Variants in ATM observed in about 807,000 individuals in gnomAD.
ATM encodes serine-protein kinase ATM.
A neutral mutation model predicts 387.0 loss-of-function variants in ATM; 308 were observed. The ratio of observed to expected loss-of-function variants is 0.80; its 90% CI spans 0.73 to 0.87. The LOEUF (loss-of-function observed/expected upper bound fraction) is 0.87. Ranked by LOEUF, ATM falls within the 40% of genes least tolerant of loss-of-function variation. The pLI, the probability that ATM is intolerant of heterozygous loss-of-function variation, is 0.00. For missense variants in ATM, 3,312 were observed against 3,560.9 expected (o/e 0.93, Z 1.78); for synonymous variants, 1,156 against 1,187.3 (o/e 0.97, Z 0.54).
chr11:108,328,857 G>A (rs894215798), intron 48 of ATM, among the ~76,000 whole-genome samples, 164 bp from the exon 49 acceptor site: 4 of 152,152 alleles, frequency 2.6e-5, no homozygotes, highest in African/African-American at 7.2e-5. Context: ...GGCCACATGC[G>A]GCCCATGGGC....
At chr11:108,224,541 A>G (rs1025530749) in intron 1 of ATM, 1 of 152,188 alleles carries the variant, frequency 6.6e-6, no homozygotes, top group Non-Finnish European at 1.5e-5. Flanking sequence ...TTGACTACCT[A>G]ATAGTTCCTC....
chr11:108,335,345 C>A, intron 55 of ATM: 2 of 1,246,642 alleles, frequency 1.6e-6, no homozygotes, highest in South Asian at 2.8e-5. Context: ...ATACCATTAA[C>A]ATGTACAGAC....
At chr11:108,314,490 C>T (rs910827646) in intron 40 of ATM, among the ~76,000 whole-genome samples, 3 of 151,082 alleles carry the variant, frequency 2.0e-5, no homozygotes, top group Non-Finnish European at 4.4e-5. Flanking sequence ...CCTGGTAGGT[C>T]GGTACTTATT....
intron 22 of ATM, among the ~76,000 whole-genome samples, chr11:108,277,310 G>A (rs552861619): frequency 6.6e-6 from 1 of 152,320 alleles, no homozygotes; most frequent in Admixed American, 6.5e-5. Flanking sequence ...TCTCCATGGG[G>A]GTGGGATCCG....
chr11:108,365,463 C>CA lies in ATM; in HGVS notation c.9131dup (p.Asn3044LysfsTer19), dbSNP rs1591388094. 6.2e-7 allele frequency: 1 copy of CA among 1,614,124 alleles called. No individual in the cohort carries two copies. The highest frequency in any genetic ancestry group is 8.5e-7 in the Non-Finnish European group (1 of 1,180,024). ...TGCTCATACAGCAGGCCATAGACCC[C>CA]AAAAATCTCAGCCGACTTTTCCCAG... On this transcript the variant is annotated frameshift_variant, in exon 63 of 63. Coordinates refer to ENST00000675843, the MANE Select transcript of ATM (RefSeq NM_000051.4). LOFTEE classifies it high-confidence loss of function.
Position 108,257,569 on chromosome 11 carries a change from T to C in ATM, c.2339T>C (p.Met780Thr). ...AGAATTGGTTCCTTGAGAAATATGATGCAGCTATGTACACGTTGCTTGAGC... is the reference window on the plus strand; with the variant it reads ...AGAATTGGTTCCTTGAGAAATATGACGCAGCTATGTACACGTTGCTTGAGC... ...EFRIGSLRNM[M>T]QLCTRCLSNC... The change falls in exon 15 of 63, where the codon ATG becomes ACG. Residue 780 changes from methionine (M) to threonine (T), a missense_variant. Transcript: ENST00000675843. 1 of 1,614,046 alleles carries C rather than the reference T, an allele frequency of 6.2e-7. No homozygotes were observed. Among genetic ancestry groups the C allele is most frequent in the Admixed American group, 1.7e-5 (1 of 60,026 alleles).
chr11:108,254,051 T>C lies in ATM; in HGVS notation c.2124+12T>C, dbSNP rs61278354. Reference sequence around the variant, plus strand: ...ATTACTCATCTGAGGTGAGATTTTTTAAAAAAAGAACTAAGCTTATATATG... The same window carrying C: ...ATTACTCATCTGAGGTGAGATTTTTCAAAAAAAGAACTAAGCTTATATATG... On this transcript the variant is annotated intron_variant, in intron 13 of 62. Coordinates refer to ENST00000675843, the MANE Select transcript of ATM (RefSeq NM_000051.4). 6.2e-7 allele frequency: 1 copy of C among 1,610,606 alleles called. No individual in the cohort carries two copies. Among genetic ancestry groups the C allele is most frequent in the East Asian group, 2.2e-5 (1 of 44,830 alleles).
intron 16 of ATM, among the ~76,000 whole-genome samples, chr11:108,265,596 C>T (rs2081184088): frequency 1.3e-5 from 2 of 150,198 alleles, no homozygotes; most frequent in Non-Finnish European, 3.0e-5. Flanking sequence ...GTCTAAAACA[C>T]CAAAAGCAAT....
At chr11:108,241,218 G>C (rs2079538637) in intron 5 of ATM, among the ~76,000 whole-genome samples, 1 of 152,100 alleles carries the variant, frequency 6.6e-6, no homozygotes, top group Non-Finnish European at 1.5e-5. Flanking sequence ...TATGATAATG[G>C]TGCTTTATTC....
At chr11:108,298,596 G>A (rs4988024) in intron 33 of ATM, among the ~76,000 whole-genome samples, 2,071 of 152,276 alleles carry the variant, frequency 0.014, 56 homozygotes, top group African/African-American at 0.046. Flanking sequence ...AATTAATGTG[G>A]TTTGTTCTCA....
intron 14 of ATM, among the ~76,000 whole-genome samples, chr11:108,257,044 T>C (rs975318645): frequency 6.6e-6 from 1 of 152,228 alleles, no homozygotes; most frequent in African/African-American, 2.4e-5. Context: ...GTAATGGGAT[T>C]GCTGGGTCAA....
At chr11:108,244,171 A>G (rs1838437800) in intron 6 of ATM, 53 bp downstream of exon 6, 8 of 1,598,342 alleles carry the variant, frequency 5.0e-6, no homozygotes, top group Non-Finnish European at 6.0e-6. Context: ...TTGATCTTGC[A>G]AGACCATGTT....
chr11:108,335,915 GAA>G lies in ATM; in HGVS notation c.8224_8225del (p.Asn2742HisfsTer4), dbSNP rs1162534390. 1 of 1,614,012 alleles carries G rather than the reference GAA, an allele frequency of 6.2e-7. No individual in the cohort carries two copies. The highest frequency in any genetic ancestry group is 2.2e-5 in the East Asian group (1 of 44,870). The stretch of plus-strand genomic sequence containing the variant: ...CAGATGTGTAATACATTACTGCAGA[GAA>G]ACACGGAAACTAGGAAGAGGAAATT... On this transcript the variant is annotated frameshift_variant, in exon 56 of 63. Coordinates refer to ENST00000675843, the MANE Select transcript of ATM (RefSeq NM_000051.4). LOFTEE classifies it high-confidence loss of function.
At position 108,327,680 on chromosome 11, in the gene ATM, T is replaced by C. The variant is rs878853536; in HGVS notation, c.7011T>C (p.Cys2337=). 6.2e-7 allele frequency: 1 copy of C among 1,614,018 alleles called. No individual in the cohort carries two copies. Residue 2337 remains cysteine (C), a synonymous_variant, in exon 48 of 63, where the codon TGT becomes TGC. Transcript: ENST00000675843. ...NPSLKLTYTE[C]LRVCGNWLAE... ...GCCTAAAACTTACATACACAGAATG[T>C]CTGAGGGTTTGTGGCAACTGGTTAG...
rs2136317661 is a variant in ATM at position 108,325,512 on chromosome 11, T to A, written c.6775T>A (p.Ser2259Thr). Reference sequence around the variant, plus strand: ...TCTCACCAAACACCTTGTAGAACTCTCTATACTGGCCAGAACTTTCAAGAA... The same window carrying A: ...TCTCACCAAACACCTTGTAGAACTCACTATACTGGCCAGAACTTTCAAGAA... ...DILTKHLVEL[S>T]ILARTFKNTQ... Residue 2259 changes from serine to threonine, a missense_variant, in exon 46 of 63, where the codon TCT becomes ACT. Ser to Thr is a moderately conservative substitution (Grantham distance 58). Around this residue, in one of 4 missense-constraint regions of ATM, gnomAD observed 1,405 missense variants for 1,604.4 expected, o/e 0.88. Transcript: ENST00000675843. 1 of 1,612,316 alleles carries A rather than the reference T, an allele frequency of 6.2e-7. No individual in the cohort carries two copies. Among genetic ancestry groups the A allele is most frequent in the South Asian group, 1.1e-5 (1 of 91,064 alleles).
chr11:108,246,878 G>A (rs4987928), intron 7 of ATM, 86 bp from the exon 8 acceptor site: 156 of 1,135,354 alleles, frequency 1.4e-4, no homozygotes, highest in Non-Finnish European at 1.9e-4. Flanking sequence ...CGCTGATGCA[G>A]CTTGACAGCT....
chr11:108,329,000 A>G, intron 48 of ATM, 21 bp from the exon 49 acceptor site: 2 of 1,596,360 alleles, frequency 1.3e-6, no homozygotes, highest in Non-Finnish European at 1.7e-6. Context: ...TATAATTTAA[A>G]TTGGTTGTGT....
At chr11:108,251,815 A>T (rs747703201) in intron 10 of ATM, 22 bp from the exon 11 acceptor site, 1 of 1,613,184 alleles carries the variant, frequency 6.2e-7, no homozygotes, top group South Asian at 1.1e-5. Flanking sequence ...GCTTTTCACA[A>T]TTGTCCTTTG....
chr11:108,225,566 T>C (rs1289515922), intron 1 of ATM: 1 of 152,232 alleles, frequency 6.6e-6, no homozygotes, highest in East Asian at 1.9e-4. Flanking sequence ...TTCCGCCTCC[T>C]GGGTTCAAGT....
Sources: allele counts gnomAD v4.1 joint callset (sites outside exome capture counted in the v4.1 genomes callset), GRCh38; gene constraint gnomAD v4.1.1; regional missense constraint gnomAD v4.1.1; transcripts MANE v1.5; gene names NCBI Gene and HGNC (gene_info 2026-07-23, HGNC 2026-07-21).